The following CHRM5 variants were observed in gnomAD, a reference collection of about 807,000 sequenced individuals.
CHRM5 encodes the protein cholinergic receptor muscarinic 5.
Under a neutral mutation model 39.0 loss-of-function variants are expected in CHRM5, and 18 were observed. The observed-to-expected ratio is 0.46, with a 90% CI of 0.32 to 0.68. The LOEUF (loss-of-function observed/expected upper bound fraction) is 0.68, where lower values mean the gene tolerates loss of function less well. CHRM5 is among the 30% of genes least tolerant of loss of function. The probability of loss-of-function intolerance (pLI) is 0.04; values close to 1 mark genes in which losing one functional copy is unlikely to be tolerated. For synonymous variants in CHRM5, 241 were observed against 246.3 expected (o/e 0.98, Z 0.20); for missense variants, 515 against 651.1 (o/e 0.79, Z 2.28).
chr15:34,021,168 A>G (rs1413325699), intron 1 of CHRM5, among the ~76,000 whole-genome samples: 1 of 152,140 alleles, frequency 6.6e-6, no homozygotes, highest in Non-Finnish European at 1.5e-5. Context: ...GAATTTTTCT[A>G]TGAAAAAATT....
chr15:33,992,842 A>G (rs998910922), intron 1 of CHRM5, among the ~76,000 whole-genome samples: 1 of 152,250 alleles, frequency 6.6e-6, no homozygotes, highest in Admixed American at 6.5e-5. Context: ...CAATGTCATT[A>G]CAATTAAAAT....
intron 2 of CHRM5, among the ~76,000 whole-genome samples, chr15:34,057,069 T>A (rs1363093788): frequency 6.6e-6 from 1 of 152,186 alleles, no homozygotes; most frequent in Non-Finnish European, 1.5e-5. Flanking sequence ...TATTGCCTTA[T>A]TATTTTACCC....
intron 1 of CHRM5, among the ~76,000 whole-genome samples, chr15:34,030,327 T>C (rs999456631): frequency 6.6e-6 from 1 of 152,176 alleles, no homozygotes; most frequent in African/African-American, 2.4e-5. Flanking sequence ...TTTTTGAGAA[T>C]ACTAGGTTTT....
intron 1 of CHRM5, among the ~76,000 whole-genome samples, chr15:34,046,127 AT>A (rs2140814649): frequency 6.6e-6 from 1 of 152,338 alleles, no homozygotes; most frequent in East Asian, 1.9e-4. Context: ...TTCCTCAAAA[AT>A]AAGTTACCCT....
intron 1 of CHRM5, among the ~76,000 whole-genome samples, chr15:34,044,546 A>C (rs1899613059): frequency 6.9e-6 from 1 of 144,090 alleles, no homozygotes; most frequent in African/African-American, 2.6e-5. Flanking sequence ...TTATGACAGT[A>C]CTTCCCAGAC....
chr15:33,975,664 G>A (rs1258134940), intron 1 of CHRM5, among the ~76,000 whole-genome samples: 1 of 152,108 alleles, frequency 6.6e-6, no homozygotes, highest in Non-Finnish European at 1.5e-5. Context: ...GGGCACGGTG[G>A]CTCACGCCTG....
At chr15:34,038,649 C>CGCGCCG in intron 1 of CHRM5, 1 of 845,568 alleles carries the variant, frequency 1.2e-6, no homozygotes, top group Non-Finnish European at 1.5e-6. Flanking sequence ...CCGCCCGTCC[C>CGCGCCG]GCGCAGGCGC....
At chr15:34,049,875 TA>T (rs1379284756) in intron 2 of CHRM5, among the ~76,000 whole-genome samples, 1 of 144,204 alleles carries the variant, frequency 6.9e-6, no homozygotes, top group East Asian at 2.0e-4. Flanking sequence ...CTGGGGCCAA[TA>T]ATCAACATCA....
In CHRM5 at chr15:34,063,706, A is replaced by G. The variant is rs747242630; in HGVS notation, c.989A>G (p.Lys330Arg). The G allele has an allele frequency of 2.5e-6, 4 of 1,614,096 alleles. No homozygotes were observed. In the East Asian group the frequency reaches 8.9e-5, roughly 36 times the overall value. ...VLQVVYKSQG[K>R]ESPGEEFSAE... ...CAAGTGGTCTACAAGAGTCAGGGTA[A>G]GGAAAGCCCAGGGGAAGAATTCAGT... Residue 330 changes from lysine (K) to arginine (R), a missense_variant, in exon 3 of 3, where the codon AAG becomes AGG. Lys to Arg is a conservative substitution (Grantham distance 26). Transcript: ENST00000383263. This position sits in a 1 kb window ranked among gnomAD's most constrained non-coding sequence, Gnocchi z 4.1.
intron 1 of CHRM5, chr15:34,002,916 A>C (rs1897192321): frequency 9.9e-7 from 1 of 1,014,584 alleles, no homozygotes; most frequent in African/African-American, 1.6e-5. Context: ...TTGAATTAAA[A>C]ATCCAAAGAA....
intron 1 of CHRM5, among the ~76,000 whole-genome samples, chr15:34,030,572 C>G (rs1898738156): frequency 6.6e-6 from 1 of 152,024 alleles, no homozygotes; most frequent in African/African-American, 2.4e-5. Flanking sequence ...TTGTGATCCA[C>G]CCGCCTCAGC....
intron 1 of CHRM5, among the ~76,000 whole-genome samples, chr15:33,987,953 C>T (rs760755757): frequency 5.3e-5 from 8 of 152,200 alleles, no homozygotes; most frequent in Non-Finnish European, 1.0e-4. Context: ...TGACTGTCTA[C>T]ACAAGGAGGT....
intron 1 of CHRM5, among the ~76,000 whole-genome samples, chr15:33,993,924 T>C (rs1166645734): frequency 3.9e-5 from 6 of 152,242 alleles, no homozygotes; most frequent in Non-Finnish European, 8.8e-5. Context: ...TCATGCTATG[T>C]TGAAAAGATT....
chr15:34,035,904 G>A (rs182413443), intron 1 of CHRM5, among the ~76,000 whole-genome samples: 64 of 152,136 alleles, frequency 4.2e-4, no homozygotes, highest in Middle Eastern at 3.4e-3. Context: ...AAAACAATCC[G>A]GCTGCTTCAG....
intron 1 of CHRM5, chr15:34,003,118 C>G: frequency 6.2e-7 from 1 of 1,613,650 alleles, no homozygotes; most frequent in Non-Finnish European, 8.5e-7. Context: ...ATCTTGATAT[C>G]GATCCCAGTT....
intron 1 of CHRM5, among the ~76,000 whole-genome samples, chr15:34,032,006 C>T (rs1156710454): frequency 8.4e-6 from 1 of 119,668 alleles, no homozygotes; most frequent in Non-Finnish European, 2.0e-5. Context: ...CCTCAACACA[C>T]ACATACGCGC....
intron 1 of CHRM5, among the ~76,000 whole-genome samples, chr15:33,987,881 C>T (rs1896545856): frequency 6.6e-6 from 1 of 152,210 alleles, no homozygotes; most frequent in Non-Finnish European, 1.5e-5. Flanking sequence ...ATGGAAAACC[C>T]TAACCAGGTC....
At chr15:34,004,223 T>C (rs6495442) in intron 1 of CHRM5, among the ~76,000 whole-genome samples, 23,076 of 152,282 alleles carry the variant, frequency 0.15, 2,179 homozygotes, top group Middle Eastern at 0.28. Context: ...CTATGTTGTA[T>C]AGATTTTTAA....
At chr15:33,969,837 A>G (rs2140492020) in intron 1 of CHRM5, among the ~76,000 whole-genome samples, 1 of 152,204 alleles carries the variant, frequency 6.6e-6, no homozygotes, top group East Asian at 1.9e-4. Context: ...TCAGTGGTCC[A>G]AACTGTAAAA....
Sources: allele counts gnomAD v4.1 joint callset (sites outside exome capture counted in the v4.1 genomes callset), GRCh38; gene constraint gnomAD v4.1.1; non-coding constraint Gnocchi (gnomAD v3.1); transcripts MANE v1.5; gene names NCBI Gene and HGNC (gene_info 2026-07-23, HGNC 2026-07-21).